CBY2: variants seen among roughly 807,000 people sequenced by gnomAD.
CBY2 encodes chibby family member 2, also known as protein chibby homolog 2.
In CBY2, 23 loss-of-function variants were observed where a neutral mutation model predicts 25.3. That is an observed-to-expected ratio of 0.91 (90% CI 0.65 to 1.29). CBY2 has a LOEUF of 1.29. CBY2 is among the 50% of genes most tolerant of loss of function. The pLI is 0.00. For missense variants in CBY2, 642 were observed against 590.7 expected (o/e 1.09, Z -0.90); for synonymous variants, 279 against 260.2 (o/e 1.07, Z -0.70).
chr13:45,703,074 A>T (rs1950220540), intron 2 of CBY2: 1 of 1,324,596 alleles, frequency 7.5e-7, no homozygotes, highest in African/African-American at 1.5e-5. Flanking sequence ...TGGCTGGGTC[A>T]GATGATCTGG....
At chr13:45,702,696 CTG>C (rs1423840600) in intron 1 of CBY2, 77 bp from the exon 2 acceptor site, 2 of 1,163,800 alleles carry the variant, frequency 1.7e-6, no homozygotes, top group Non-Finnish European at 2.6e-6. Flanking sequence ...GTAGAAAGTT[CTG>C]TGTTTTTTAG....
At chr13:45,705,145 G>A (rs1643277805) in intron 2 of CBY2, among the ~76,000 whole-genome samples, 1 of 151,950 alleles carries the variant, frequency 6.6e-6, no homozygotes, top group African/African-American at 2.4e-5. Context: ...TTGATTTCCT[G>A]TTTTTCTTCC....
In CBY2 at chr13:45,714,197, G is replaced by T; in HGVS notation, c.1172G>T (p.Arg391Met). 3.1e-6 allele frequency: 5 copies of T among 1,612,006 alleles called. No homozygotes were observed. The highest frequency in any genetic ancestry group is 4.2e-6 in the Non-Finnish European group (5 of 1,179,566). ...RTLQVLRAEHRGFQEENKALW... is the reference protein window; with the variant it reads ...RTLQVLRAEHMGFQEENKALW... Reference sequence around the variant, plus strand: ...CTGCAGGTGCTACGGGCAGAGCACAGGGGCTTCCAGGAGGAGAACAAGGCC... The same window carrying T: ...CTGCAGGTGCTACGGGCAGAGCACATGGGCTTCCAGGAGGAGAACAAGGCC... Residue 391 changes from arginine (R) to methionine (M), a missense_variant, in exon 3 of 3, where the codon AGG (arginine) becomes ATG (methionine). Transcript: ENST00000310521.
At chr13:45,708,921 A>G (rs911514721) in intron 2 of CBY2, among the ~76,000 whole-genome samples, 1 of 152,214 alleles carries the variant, frequency 6.6e-6, no homozygotes, top group Admixed American at 6.5e-5. Flanking sequence ...TTATTTGTCC[A>G]TCAGCATTTC....
intron 2 of CBY2, among the ~76,000 whole-genome samples, chr13:45,712,532 T>C (rs1330127888): frequency 1.3e-5 from 2 of 152,256 alleles, no homozygotes; most frequent in African/African-American, 4.8e-5. Context: ...TTCTCAGACA[T>C]GCACGGAGAG....
chr13:45,705,160 A>G (rs8002465), intron 2 of CBY2, among the ~76,000 whole-genome samples: 24 of 152,130 alleles, frequency 1.6e-4, no homozygotes, highest in African/African-American at 5.1e-4. Flanking sequence ...TCTTCCTCAC[A>G]TTAAATATTT....
At chr13:45,702,668 C>A in intron 1 of CBY2, 107 bp from the exon 2 acceptor site, 1 of 983,376 alleles carries the variant, frequency 1.0e-6, no homozygotes, top group Non-Finnish European at 1.6e-6. Flanking sequence ...ACATAATTGA[C>A]AAGAGAGAAA....
Position 45,706,885 on chromosome 13 carries a change from G to A in CBY2, c.156+4030G>A, listed in dbSNP as rs145540615. ...AATCCTGGAACTGCATATGTTCGCT[G>A]AGCTCAGATGCTTAGTTTTTGGGTA... On this transcript the variant is annotated intron_variant, in intron 2 of 2. Transcript: ENST00000310521. Among the ~76,000 whole-genome samples, 115 of 152,284 alleles carry A rather than the reference G, an allele frequency of 7.6e-4. No homozygotes were observed. In the East Asian group the frequency reaches 0.015, roughly 20 times the overall value.
intron 2 of CBY2, among the ~76,000 whole-genome samples, chr13:45,712,238 T>C (rs1034496520): frequency 6.6e-6 from 1 of 152,236 alleles, no homozygotes; most frequent in Admixed American, 6.5e-5. Context: ...CTTTTGTACA[T>C]TGCCTTTTTT....
rs115315048 is a variant in CBY2 at position 45,702,576 on chromosome 13, C to A, written c.75+111C>A. 6 of 999,676 alleles carry A rather than the reference C, an allele frequency of 6.0e-6. No homozygotes were observed. The African/African-American group carries it at 9.6e-5, about 16-fold the overall frequency. The allele number at this position is 999,676 out of a possible 1,614,324, so 61.9% of individuals were successfully genotyped here. A position where few individuals can be genotyped will look rare whatever the true frequency, so the allele number is the denominator to read the frequency against. On this transcript the variant is annotated intron_variant, in intron 1 of 2. Transcript: ENST00000310521. ...CTTTTACATCAACTATAATATCTAGCTTAATATCTGTTCAGAGATTGATAA... is the reference window on the plus strand; with the variant it reads ...CTTTTACATCAACTATAATATCTAGATTAATATCTGTTCAGAGATTGATAA...
rs1157426653 is a variant in CBY2, at chr13:45,713,397, C to T, written c.372C>T (p.Ser124=). The T allele has an allele frequency of 6.2e-7, 1 of 1,614,176 alleles. No individual in the cohort carries two copies. The highest frequency in any genetic ancestry group is 8.5e-7 in the Non-Finnish European group (1 of 1,180,028). ...LDYNPPRVQL[S]DEMFVFQDGR... ...ACAACCCGCCGCGGGTGCAGCTCAG[C>T]GACGAGATGTTCGTGTTCCAGGACG... The change falls in exon 3 of 3, where the codon AGC becomes AGT. Residue 124 remains serine (S), a synonymous_variant. Coordinates refer to ENST00000310521, the MANE Select transcript of CBY2 (RefSeq NM_152719.3). The surrounding 1 kb of genome is among the most constrained non-coding windows in gnomAD (Gnocchi z 5.0).
In CBY2 at chr13:45,713,325, A is replaced by G. The variant is rs756224771; in HGVS notation, c.300A>G (p.Leu100=). Residue 100 remains leucine (L), a synonymous_variant, in exon 3 of 3, where the codon TTA becomes TTG. Coordinates refer to ENST00000310521, the MANE Select transcript of CBY2 (RefSeq NM_152719.3). This position sits in a 1 kb window ranked among gnomAD's most constrained non-coding sequence, Gnocchi z 5.0. The part of the protein sequence containing the change: ...YPLNRFSSVP[L]DPMERPMSQA... ...TGAACCGCTTCTCCTCCGTGCCTTT[A>G]GACCCCATGGAGCGCCCCATGTCCC... is the stretch of plus-strand genomic sequence containing the variant. 1.2e-6 allele frequency: 2 copies of G among 1,614,136 alleles called. No individual in the cohort carries two copies. The highest frequency in any genetic ancestry group is 8.5e-7 in the Non-Finnish European group (1 of 1,180,024).
In CBY2 at chr13:45,713,605, A is replaced by G. The variant is rs1486339890; in HGVS notation, c.580A>G (p.Lys194Glu). 6.2e-7 allele frequency: 1 copy of G among 1,613,672 alleles called. No homozygotes were observed. The change falls in exon 3 of 3, where the codon AAG becomes GAG. Residue 194 changes from lysine (K) to glutamate (E), a missense_variant. Coordinates refer to ENST00000310521, the MANE Select transcript of CBY2 (RefSeq NM_152719.3). The surrounding 1 kb of genome is among the most constrained non-coding windows in gnomAD (Gnocchi z 5.0). ...GAACCGGATGCTCAGCAAGGAGAACAAGATCCTACAGGTCTTCTGGGAGGA... is the reference window on the plus strand; with the variant it reads ...GAACCGGATGCTCAGCAAGGAGAACGAGATCCTACAGGTCTTCTGGGAGGA... ...EENRMLSKEN[K>E]ILQVFWEEHK...
At chr13:45,711,939 T>C (rs1950272695) in intron 2 of CBY2, among the ~76,000 whole-genome samples, 1 of 152,238 alleles carries the variant, frequency 6.6e-6, no homozygotes, top group Non-Finnish European at 1.5e-5. Context: ...GACTCTGCTT[T>C]GAGTCTAGCA....
At chr13:45,705,680 A>C (rs1261863640) in intron 2 of CBY2, among the ~76,000 whole-genome samples, 3 of 152,218 alleles carry the variant, frequency 2.0e-5, no homozygotes, top group Non-Finnish European at 4.4e-5. Context: ...TGACTTTGCC[A>C]TGGTACCAGG....
In CBY2 at chr13:45,713,940, C is replaced by G. The variant is rs201649847; in HGVS notation, c.915C>G (p.Ser305=). 6.5e-7 allele frequency: 1 copy of G among 1,534,878 alleles called. No individual in the cohort carries two copies. Among genetic ancestry groups the G allele is most frequent in the Non-Finnish European group, 8.7e-7 (1 of 1,145,238 alleles). The change falls in exon 3 of 3, where the codon TCC becomes TCG. Residue 305 remains serine, a synonymous_variant. Coordinates refer to ENST00000310521, the MANE Select transcript of CBY2 (RefSeq NM_152719.3). The surrounding 1 kb of genome is among the most constrained non-coding windows in gnomAD (Gnocchi z 5.0). The part of the protein sequence containing the change: ...GLLQDQGSGL[S]SRFEEPKGPP... ...TGCAGGACCAGGGCTCCGGCCTCTC[C>G]TCCCGCTTCGAGGAGCCCAAAGGGC...
Position 45,713,214 on chromosome 13 carries a change from C to G in CBY2, c.189C>G (p.His63Gln), listed in dbSNP as rs141176172. The G allele has an allele frequency of 6.2e-7, 1 of 1,613,214 alleles. No individual in the cohort carries two copies. ...RGTAEPFPRL[H>Q]NLYSTPRCAQ... is the part of the protein sequence containing the mutation. ...CAGCCGAACCCTTCCCGAGGCTCCA[C>G]AACTTGTACAGCACCCCTCGCTGCG... Residue 63 changes from histidine (H) to glutamine (Q), a missense_variant, in exon 3 of 3, where the codon CAC becomes CAG. Transcript: ENST00000310521. The surrounding 1 kb of genome is among the most constrained non-coding windows in gnomAD (Gnocchi z 5.0).
chr13:45,703,369 C>A (rs1199503953), intron 2 of CBY2: 2 of 1,439,668 alleles, frequency 1.4e-6, no homozygotes, highest in Admixed American at 2.9e-5. Context: ...CTTTTTCAGT[C>A]AATGAATTGG....
chr13:45,706,490 G>T (rs1950240329), intron 2 of CBY2, among the ~76,000 whole-genome samples: 1 of 152,164 alleles, frequency 6.6e-6, no homozygotes, highest in Admixed American at 6.5e-5. Context: ...CGACAGGAAG[G>T]CATGATGAGC....
Sources: gnomAD v4.1 joint callset for allele counts (sites outside exome capture counted in the v4.1 genomes callset) on GRCh38, gnomAD v4.1.1 for gene constraint, Gnocchi (gnomAD v3.1) non-coding constraint, MANE v1.5 for transcripts, NCBI Gene and HGNC (gene_info 2026-07-23, HGNC 2026-07-21) for gene names.